LDHD: variants seen among roughly 807,000 people sequenced by gnomAD.
LDHD encodes lactate dehydrogenase D.
A neutral mutation model predicts 52.9 loss-of-function variants in LDHD; 58 were observed. That is an observed-to-expected ratio of 1.10 (90% CI 0.89 to 1.36). The LOEUF is 1.36. LDHD is among the 40% of genes most tolerant of loss of function. The pLI is 0.00. For synonymous variants in LDHD, 350 were observed against 288.6 expected (o/e 1.21, Z -2.16); for missense variants, 747 against 668.0 (o/e 1.12, Z -1.30).
Position 75,115,585 on chromosome 16 carries a change from C to A in LDHD, c.148G>T (p.Val50Phe), listed in dbSNP as rs746257449. 3.7e-6 allele frequency: 6 copies of A among 1,612,896 alleles called. No homozygotes were observed. The highest frequency in any genetic ancestry group is 5.1e-6 in the Non-Finnish European group (6 of 1,179,958). Residue 50 changes from valine (V) to phenylalanine (F), a missense_variant, in exon 2 of 11, where the codon GTC (valine) becomes TTC (phenylalanine). Coordinates refer to ENST00000450168, the MANE Select transcript of LDHD (RefSeq NM_194436.3). ...TCATCGCGCCCGTGCTGCTCTCGGA[C>A]CACCGCGGCAGTGGACACGTGGGAG... Reference protein sequence around the residue: ...GGSHVSTAAVVREQHGRDESV... With the variant: ...GGSHVSTAAVFREQHGRDESV...
Position 75,114,872 on chromosome 16 carries a change from CT to C in LDHD, c.423del (p.Ala142ProfsTer132). ...SVVVEPGVTRKALNAHLRDSG... is the reference protein window; with the variant it reads ...SVVVEPGVTRXALNAHLRDSG... ...CTGTCCCGCAGGTGGGCGTTGAGGG[CT>C]TTGCGGGTGACACCTGGCTCCACCA... is the stretch of plus-strand genomic sequence containing the variant. On this transcript the variant is annotated frameshift_variant, in exon 4 of 11. Coordinates refer to ENST00000450168, the MANE Select transcript of LDHD (RefSeq NM_194436.3). LOFTEE classifies it high-confidence loss of function. 6.2e-7 allele frequency: 1 copy of C among 1,614,032 alleles called. No individual in the cohort carries two copies. Among genetic ancestry groups the C allele is most frequent in the African/African-American group, 1.3e-5 (1 of 75,064 alleles).
At chr16:75,113,908 C>T (rs752147773) in intron 6 of LDHD, 38 bp from the exon 7 acceptor site, 70 of 1,611,820 alleles carry the variant, frequency 4.3e-5, no homozygotes, top group Non-Finnish European at 5.8e-5. Flanking sequence ...TGAGGCCTGG[C>T]CTTCCCAGGG....
chr16:75,113,495 C>T (rs753643061), intron 8 of LDHD, 40 bp downstream of exon 8: 3 of 1,567,854 alleles, frequency 1.9e-6, no homozygotes, highest in African/African-American at 2.7e-5. Context: ...GGTTTGTGGG[C>T]CGAGCTGTGG....
At chr16:75,116,585 C>T in intron 1 of LDHD, 64 bp downstream of exon 1, 1 of 1,409,172 alleles carries the variant, frequency 7.1e-7, no homozygotes, top group Non-Finnish European at 9.9e-7. Context: ...AACTTGGGAT[C>T]AGAACCCCCT....
intron 3 of LDHD, 98 bp from the exon 4 acceptor site, chr16:75,115,066 C>A (rs983277921): frequency 6.5e-7 from 1 of 1,542,326 alleles, no homozygotes; most frequent in South Asian, 1.2e-5. Flanking sequence ...GCAGCCAGAC[C>A]AGACCCCCAG....
chr16:75,112,393 T>C lies in LDHD; in HGVS notation c.1418A>G (p.Asp473Gly). The change falls in exon 11 of 11, where the codon GAC becomes GGC. Residue 473 changes from aspartate (D) to glycine (G), a missense_variant. Transcript: ENST00000450168. ...ETMRQLKAVL[D>G]PQGLMNPGKV... ...GCCTGGATTCATGAGGCCTTGGGGGTCTAGCACGGCCTTGAGCTGCCGCAT... is the reference window on the plus strand; with the variant it reads ...GCCTGGATTCATGAGGCCTTGGGGGCCTAGCACGGCCTTGAGCTGCCGCAT... 6.2e-7 allele frequency: 1 copy of C among 1,613,232 alleles called. No individual in the cohort carries two copies. The highest frequency in any genetic ancestry group is 8.5e-7 in the Non-Finnish European group (1 of 1,179,906).
intron 1 of LDHD, among the ~76,000 whole-genome samples, 159 bp from the exon 2 acceptor site, chr16:75,115,819 C>T (rs546040527): frequency 6.6e-6 from 1 of 152,304 alleles, no homozygotes; most frequent in South Asian, 2.1e-4. Context: ...CCACTTTAAA[C>T]AAACCCACTA....
chr16:75,113,681 G>T lies in LDHD; in HGVS notation c.959-19C>A, dbSNP rs772363256. On this transcript the variant is annotated intron_variant, in intron 7 of 10. Coordinates refer to ENST00000450168, the MANE Select transcript of LDHD (RefSeq NM_194436.3). ...ATCTCCTCTGCAGTTGGGGAAGGGG[G>T]GCTGACACCGGGCCGCCACTGAGGC... 6 of 1,612,986 alleles carry T rather than the reference G, an allele frequency of 3.7e-6. No individual in the cohort carries two copies. In the South Asian group the frequency reaches 5.5e-5, roughly 15 times the overall value.
chr16:75,112,387 T>TG lies in LDHD; in HGVS notation c.1423dup (p.Gln475ProfsTer15). ...CACTTTGCCTGGATTCATGAGGCCT[T>TG]GGGGGTCTAGCACGGCCTTGAGCTG... On this transcript the variant is annotated frameshift_variant, in exon 11 of 11. Transcript: ENST00000450168. LOFTEE classifies it high-confidence loss of function. The TG allele has an allele frequency of 1.2e-6, 2 of 1,613,332 alleles. No homozygotes were observed. The highest frequency in any genetic ancestry group is 4.5e-5 in the East Asian group (2 of 44,874).
chr16:75,114,284 C>A, intron 5 of LDHD, 119 bp from the exon 6 acceptor site: 1 of 1,536,578 alleles, frequency 6.5e-7, no homozygotes, highest in South Asian at 1.2e-5. Flanking sequence ...GCTGGCCTCC[C>A]TCGGGCCCAG....
At position 75,112,866 on chromosome 16, in the gene LDHD, G is replaced by C; in HGVS notation, c.1145C>G (p.Thr382Ser). Residue 382 changes from threonine to serine, a missense_variant, in exon 9 of 11, where the codon ACC becomes AGC. Transcript: ENST00000450168. ...ISRLPEIVVQ[T>S]KEDLNASGLT... ...TCCTGAGGCATTCAGATCCTCCTTG[G>C]TCTGCACCACGATCTCCGGCAGCCG... 6.2e-7 allele frequency: 1 copy of C among 1,613,482 alleles called. No homozygotes were observed. Among genetic ancestry groups the C allele is most frequent in the South Asian group, 1.1e-5 (1 of 91,046 alleles).
Position 75,113,722 on chromosome 16 carries a change from C to G in LDHD, c.958+20G>C. The G allele has an allele frequency of 1.2e-5, 20 of 1,613,506 alleles. No individual in the cohort carries two copies. The highest frequency in any genetic ancestry group is 1.6e-5 in the Non-Finnish European group (19 of 1,179,832). Reference sequence around the variant, plus strand: ...CCACTGAGGCAGCCCACCCTGCTGCCCCACTCCACCCCAGCATACCTGTGC... The same window carrying G: ...CCACTGAGGCAGCCCACCCTGCTGCGCCACTCCACCCCAGCATACCTGTGC... On this transcript the variant is annotated intron_variant, in intron 7 of 10. Transcript: ENST00000450168.
Position 75,112,645 on chromosome 16 carries a change from C to G in LDHD, c.1246G>C (p.Glu416Gln). 1 of 1,614,162 alleles carries G rather than the reference C, an allele frequency of 6.2e-7. No homozygotes were observed. Among genetic ancestry groups the G allele is most frequent in the Non-Finnish European group, 8.5e-7 (1 of 1,180,036 alleles). Residue 416 changes from glutamate to glutamine, a missense_variant, in exon 10 of 11, where the codon GAG (glutamate) becomes CAG (glutamine). Transcript: ENST00000450168. The part of the protein sequence containing the change: ...CILLVNPDDA[E>Q]ELGRVKAFAE... ...AAAGCCTTGACCCTGCCCAGTTCCT[C>G]GGCGTCATCAGGGTTGACCAGCAGG... is the stretch of plus-strand genomic sequence containing the variant.
rs1012475386 is a variant in LDHD at position 75,112,287 on chromosome 16, G to A, written c.*69C>T. 2.0e-6 allele frequency: 3 copies of A among 1,513,112 alleles called. No individual in the cohort carries two copies. Among genetic ancestry groups the A allele is most frequent in the Non-Finnish European group, 2.7e-6 (3 of 1,113,984 alleles). The allele number at this position is 1,513,112 out of a possible 1,614,324, so 93.7% of individuals were successfully genotyped here. A position where few individuals can be genotyped will look rare whatever the true frequency, so the allele number is the denominator to read the frequency against. ...GCATCTATTTCCTTGCAGGGGCCGT[G>A]GCATGAAGAAAAGTTCCAGAACCGG... On this transcript the variant is annotated 3_prime_UTR_variant, in exon 11 of 11. Coordinates refer to ENST00000450168, the MANE Select transcript of LDHD (RefSeq NM_194436.3).
Position 75,113,888 on chromosome 16 carries a change from G to A in LDHD, c.830-18C>T. 1.2e-6 allele frequency: 2 copies of A among 1,613,532 alleles called. No individual in the cohort carries two copies. Among genetic ancestry groups the A allele is most frequent in the Non-Finnish European group, 1.7e-6 (2 of 1,179,930 alleles). On this transcript the variant is annotated intron_variant, in intron 6 of 10. Coordinates refer to ENST00000450168, the MANE Select transcript of LDHD (RefSeq NM_194436.3). ...CAGGAACTCTGGATCCAGGGAGATGGCAGGCCAGGTGAGGCCTGGCCTTCC... is the reference window on the plus strand; with the variant it reads ...CAGGAACTCTGGATCCAGGGAGATGACAGGCCAGGTGAGGCCTGGCCTTCC...
chr16:75,115,987 C>G (rs890914487), intron 1 of LDHD, among the ~76,000 whole-genome samples: 2 of 152,152 alleles, frequency 1.3e-5, no homozygotes, highest in Non-Finnish European at 2.9e-5. Flanking sequence ...TCAAGCGATC[C>G]ACCTGCCTCG....
At chr16:75,114,434 C>T (rs2036488352) in intron 5 of LDHD, 92 bp downstream of exon 5, 1 of 1,388,326 alleles carries the variant, frequency 7.2e-7, no homozygotes, top group Non-Finnish European at 9.5e-7. Flanking sequence ...CAGGGGGCCG[C>T]CAGGAGGTGC....
At chr16:75,114,449 C>G in intron 5 of LDHD, 77 bp downstream of exon 5, 1 of 1,415,282 alleles carries the variant, frequency 7.1e-7, no homozygotes. Context: ...AGGTGCTTTT[C>G]ACAGCCCGGT....
rs539169342 is a variant in LDHD, at chr16:75,112,463, G to A, written c.1348C>T (p.Arg450Trp). 3.4e-5 allele frequency: 55 copies of A among 1,613,370 alleles called. 1 individual carries two copies. The highest frequency in any genetic ancestry group is 3.0e-4 in the South Asian group (27 of 91,080). The change falls in exon 11 of 11, where the codon CGG becomes TGG. Residue 450 changes from arginine (R) to tryptophan (W), a missense_variant. By Grantham distance (101) the Arg-to-Trp change is moderately radical (BLOSUM62 -3). Coordinates refer to ENST00000450168, the MANE Select transcript of LDHD (RefSeq NM_194436.3). Reference sequence around the variant, plus strand: ...CCCACCTCCTCCTGCAGCAGCTGCCGCTTGCCCATTCCGATGCCATGCTCC... The same window carrying A: ...CCCACCTCCTCCTGCAGCAGCTGCCACTTGCCCATTCCGATGCCATGCTCC... Reference protein sequence around the residue: ...TGEHGIGMGKRQLLQEEVGAV... With the variant: ...TGEHGIGMGKWQLLQEEVGAV...
Sources: allele counts gnomAD v4.1 joint callset (sites outside exome capture counted in the v4.1 genomes callset), GRCh38; gene constraint gnomAD v4.1.1; transcripts MANE v1.5; gene names NCBI Gene and HGNC (gene_info 2026-07-23, HGNC 2026-07-21).